The following ERCC5 variants were observed in gnomAD, a reference collection of about 807,000 sequenced individuals.
The protein encoded by ERCC5 is ERCC excision repair 5, endonuclease.
A neutral mutation model predicts 105.6 loss-of-function variants in ERCC5; 68 were observed. That is an observed-to-expected ratio of 0.64 (90% CI 0.53 to 0.79). The LOEUF (loss-of-function observed/expected upper bound fraction) is 0.79. ERCC5 is among the 30% of genes least tolerant of loss of function. ERCC5 has a pLI of 0.00. For missense variants in ERCC5, 1,373 were observed against 1,426.7 expected (o/e 0.96, Z 0.61); for synonymous variants, 546 against 526.2 (o/e 1.04, Z -0.51).
At chr13:102,854,652 G>C (rs1273039905) in intron 4 of ERCC5, among the ~76,000 whole-genome samples, 4 of 152,166 alleles carry the variant, frequency 2.6e-5, no homozygotes, top group Non-Finnish European at 5.9e-5. Flanking sequence ...TTTTAGTTTT[G>C]CTTACACTTT....
At chr13:102,866,469 C>T in intron 10 of ERCC5, 88 bp downstream of exon 10, 1 of 1,612,398 alleles carries the variant, frequency 6.2e-7, no homozygotes, top group Admixed American at 1.7e-5. Context: ...CACTGTGCCC[C>T]CTGGTGCTCA....
At chr13:102,861,786 C>T in intron 7 of ERCC5, 72 bp downstream of exon 7, 1 of 1,550,530 alleles carries the variant, frequency 6.4e-7, no homozygotes. Context: ...ATTCTATAAA[C>T]TAGCACCCCT....
chr13:102,857,265 C>T (rs183476580), intron 5 of ERCC5, among the ~76,000 whole-genome samples: 2 of 152,316 alleles, frequency 1.3e-5, no homozygotes, highest in Non-Finnish European at 2.9e-5. Context: ...TTAGTTAAGA[C>T]CATGGGCCTC....
At chr13:102,873,435 A>G in intron 14 of ERCC5, 92 bp downstream of exon 14, 1 of 1,380,952 alleles carries the variant, frequency 7.2e-7, no homozygotes, top group Non-Finnish European at 1.0e-6. Context: ...ATTTTGGGGC[A>G]TAGAGCAGAC....
intron 1 of ERCC5, among the ~76,000 whole-genome samples, chr13:102,846,564 C>A (rs893585308): frequency 2.0e-5 from 3 of 152,110 alleles, no homozygotes; most frequent in African/African-American, 7.2e-5. Flanking sequence ...CCGTATACCA[C>A]GATGTTCAAG....
chr13:102,862,016 T>C lies in ERCC5; in HGVS notation c.881-14T>C. 12 of 1,613,984 alleles carry C rather than the reference T, an allele frequency of 7.4e-6. No homozygotes were observed. Among genetic ancestry groups the C allele is most frequent in the Non-Finnish European group, 1.0e-5 (12 of 1,179,868 alleles). The stretch of plus-strand genomic sequence containing the variant: ...TAAAACTGAATGGTGAGAAGTGTTT[T>C]AATTCTTCTTAAGGTATTCAAGCTA... On this transcript the variant is annotated splice_polypyrimidine_tract_variant and intron_variant, in intron 7 of 14. Coordinates refer to ENST00000652225, the MANE Select transcript of ERCC5 (RefSeq NM_000123.4).
intron 1 of ERCC5, among the ~76,000 whole-genome samples, chr13:102,848,144 G>T (rs1253093050): frequency 8.2e-6 from 1 of 121,926 alleles, no homozygotes; most frequent in Non-Finnish European, 1.7e-5. Context: ...AAATAAAAAG[G>T]ACTGTGAAAG....
Position 102,866,468 on chromosome 13 carries a change from C to A in ERCC5, c.2319+87C>A, listed in dbSNP as rs1882844947. ...GCATGAAGGGGGTATGCACTGTGCC[C>A]CCTGGTGCTCAGGGCCTGGTGATGC... On this transcript the variant is annotated intron_variant, in intron 10 of 14. Transcript: ENST00000652225. The A allele has an allele frequency of 2.5e-6, 4 of 1,612,146 alleles. No homozygotes were observed. The South Asian group carries it at 4.4e-5, about 18-fold the overall frequency.
In ERCC5 at chr13:102,868,380, A is replaced by G. The variant is rs1595387788; in HGVS notation, c.2678+123A>G. ...GTGAACAATGGTTCACTGAGAAAGC[A>G]GCAGAAAGTATTGGTTGTTTTCCAT... On this transcript the variant is annotated intron_variant, in intron 12 of 14. Coordinates refer to ENST00000652225, the MANE Select transcript of ERCC5 (RefSeq NM_000123.4). The G allele has an allele frequency of 3.7e-6, 5 of 1,334,546 alleles. No individual in the cohort carries two copies. In the South Asian group the frequency reaches 6.3e-5, roughly 17 times the overall value. 82.7% of individuals were successfully genotyped at this position (1,334,546 alleles called of 1,614,324 possible). A position where few individuals can be genotyped will look rare whatever the true frequency, so the allele number is the denominator to read the frequency against.
intron 14 of ERCC5, among the ~76,000 whole-genome samples, chr13:102,873,789 T>C (rs8002276): frequency 0.19 from 28,644 of 152,132 alleles, 2,897 homozygotes; most frequent in East Asian, 0.41. Context: ...GGAGAGGTTT[T>C]TGTGGGAAGG....
intron 7 of ERCC5, 136 bp from the exon 8 acceptor site, chr13:102,861,894 A>G (rs1446286511): frequency 1.4e-6 from 2 of 1,384,776 alleles, no homozygotes; most frequent in East Asian, 2.3e-5. Flanking sequence ...TAGCTAATGA[A>G]TTAACTCCTA....
intron 14 of ERCC5, 102 bp downstream of exon 14, chr13:102,873,445 C>T: frequency 7.7e-7 from 1 of 1,298,866 alleles, no homozygotes; most frequent in South Asian, 1.2e-5. Flanking sequence ...ATAGAGCAGA[C>T]ATTTTGAAAT....
At chr13:102,850,132 G>T (rs1354763621) in intron 1 of ERCC5, among the ~76,000 whole-genome samples, 1 of 152,044 alleles carries the variant, frequency 6.6e-6, no homozygotes, top group Non-Finnish European at 1.5e-5. Flanking sequence ...CACCATTTTG[G>T]CCAGGATGGT....
intron 14 of ERCC5, among the ~76,000 whole-genome samples, chr13:102,875,046 A>G (rs1380266227): frequency 6.6e-6 from 1 of 152,382 alleles, no homozygotes; most frequent in South Asian, 2.1e-4. Context: ...TGAATATCTT[A>G]GGAAGAGATT....
intron 13 of ERCC5, among the ~76,000 whole-genome samples, 169 bp downstream of exon 13, chr13:102,872,567 T>TTTTG (rs1566473140): frequency 6.6e-6 from 1 of 152,168 alleles, no homozygotes; most frequent in Non-Finnish European, 1.5e-5. Flanking sequence ...AGTTGTTGTT[T>TTTTG]TTTGTTTGTT....
chr13:102,853,972 C>A, intron 3 of ERCC5, 100 bp downstream of exon 3: 3 of 1,202,930 alleles, frequency 2.5e-6, no homozygotes, highest in South Asian at 1.3e-5. Context: ...TTTTGACTCT[C>A]AACAGAAAAT....
intron 11 of ERCC5, among the ~76,000 whole-genome samples, chr13:102,867,892 G>T (rs1333263241): frequency 6.6e-6 from 1 of 152,114 alleles, no homozygotes; most frequent in Non-Finnish European, 1.5e-5. Flanking sequence ...AACTTTGGGG[G>T]TCAGCGTATA....
intron 1 of ERCC5, among the ~76,000 whole-genome samples, chr13:102,851,347 T>C (rs1360701295): frequency 6.6e-6 from 1 of 152,176 alleles, no homozygotes; most frequent in Non-Finnish European, 1.5e-5. Context: ...CAGGCTGGAG[T>C]GCAGTGGCGC....
intron 6 of ERCC5, among the ~76,000 whole-genome samples, chr13:102,859,949 A>G (rs1372347348): frequency 6.6e-6 from 1 of 152,238 alleles, no homozygotes; most frequent in Admixed American, 6.5e-5. Context: ...TAAGTTGCAC[A>G]CCATTCTGAG....
Sources: gnomAD v4.1 joint callset for allele counts (sites outside exome capture counted in the v4.1 genomes callset) on GRCh38, gnomAD v4.1.1 for gene constraint, MANE v1.5 for transcripts, NCBI Gene and HGNC (gene_info 2026-07-23, HGNC 2026-07-21) for gene names.